The following AARSD1 variants were observed in gnomAD, a reference collection of about 807,000 sequenced individuals.
AARSD1 encodes alanyl-tRNA editing protein Aarsd1.
In AARSD1, 44 loss-of-function variants were observed where a neutral mutation model predicts 48.7. The ratio of observed to expected loss-of-function variants is 0.90; its 90% CI spans 0.71 to 1.16. The LOEUF (loss-of-function observed/expected upper bound fraction) is 1.16. AARSD1 is among the 50% of genes most tolerant of loss of function. The probability of loss-of-function intolerance (pLI) is 0.00; values close to 1 mark genes in which losing one functional copy is unlikely to be tolerated. For missense variants in AARSD1, 511 were observed against 523.1 expected (o/e 0.98, Z 0.23); for synonymous variants, 189 against 194.9 (o/e 0.97, Z 0.25).
chr17:42,955,150 T>C lies in AARSD1; in HGVS notation c.861+8A>G. The stretch of plus-strand genomic sequence containing the variant: ...CATGCCCTCTCTACCCTCCATGGAA[T>C]AAATCACCTTCTGCAGGATCTTGGT... On this transcript the variant is annotated splice_region_variant and intron_variant, in intron 8 of 11. Coordinates refer to ENST00000427569, the MANE Select transcript of AARSD1 (RefSeq NM_001261434.2). 1.2e-6 allele frequency: 2 copies of C among 1,614,154 alleles called. No homozygotes were observed. The highest frequency in any genetic ancestry group is 1.7e-6 in the Non-Finnish European group (2 of 1,180,026).
rs936118076 is a variant in AARSD1, at chr17:42,950,840, G to T, written c.1104-112C>A. 22 of 1,439,790 alleles carry T rather than the reference G, an allele frequency of 1.5e-5. No homozygotes were observed. In the African/African-American group the frequency reaches 3.1e-4, roughly 20 times the overall value. The allele number at this position is 1,439,790 out of a possible 1,614,324, so 89.2% of individuals were successfully genotyped here. A position where few individuals can be genotyped will look rare whatever the true frequency, so the allele number is the denominator to read the frequency against. On this transcript the variant is annotated intron_variant, in intron 11 of 11. Transcript: ENST00000427569. ...TGGGAGAGGGATAAGAAGAGTAGATGACTTCTAGGAATCTTTCTTGAAAAC... is the reference window on the plus strand; with the variant it reads ...TGGGAGAGGGATAAGAAGAGTAGATTACTTCTAGGAATCTTTCTTGAAAAC...
intron 10 of AARSD1, among the ~76,000 whole-genome samples, chr17:42,953,137 G>A (rs991380377): frequency 2.6e-5 from 4 of 152,022 alleles, no homozygotes; most frequent in Admixed American, 6.6e-5. Context: ...ATGCCACCAC[G>A]CCTAGCTAAT....
intron 7 of AARSD1, chr17:42,955,436 CTTTTTTTT>C: frequency 3.5e-6 from 1 of 283,888 alleles, no homozygotes; most frequent in Non-Finnish European, 6.5e-6. Flanking sequence ...AGCACTTGAT[CTTTTTTTT>C]TTTTTTTTTT....
At chr17:42,952,013 G>T (rs139801184) in intron 10 of AARSD1, 119 bp from the exon 11 acceptor site, 5 of 1,160,696 alleles carry the variant, frequency 4.3e-6, no homozygotes, top group Non-Finnish European at 6.1e-6. Context: ...ACCAAGTGAC[G>T]CTCCTGATGA....
chr17:42,953,847 C>T, intron 9 of AARSD1, 69 bp from the exon 10 acceptor site: 1 of 1,603,452 alleles, frequency 6.2e-7, no homozygotes, highest in South Asian at 1.1e-5. Flanking sequence ...GAAGCCTGGC[C>T]CCTCCTTCTG....
Position 42,964,143 on chromosome 17 carries a change from A to G in AARSD1, c.134T>C (p.Leu45Pro). The change falls in exon 2 of 12, where the codon CTG becomes CCG. Residue 45 changes from leucine to proline, a missense_variant. Coordinates refer to ENST00000427569, the MANE Select transcript of AARSD1 (RefSeq NM_001261434.2). The part of the protein sequence containing the change: ...KEVLSGFQVV[L>P]EDTVLFPEGG... ...CTCAGGGAAAAGCACTGTGTCTTCC[A>G]GCACCACTTGGAAACCGCTCAGCAC... 1 of 1,614,232 alleles carries G rather than the reference A, an allele frequency of 6.2e-7. No individual in the cohort carries two copies. Among genetic ancestry groups the G allele is most frequent in the Non-Finnish European group, 8.5e-7 (1 of 1,180,034 alleles).
At chr17:42,961,663 T>C (rs1386495503) in intron 2 of AARSD1, among the ~76,000 whole-genome samples, 2 of 152,172 alleles carry the variant, frequency 1.3e-5, no homozygotes, top group Non-Finnish European at 2.9e-5. Context: ...TCTTTTGTAG[T>C]CTCTAAAATG....
chr17:42,957,297 G>C, intron 3 of AARSD1, 102 bp from the exon 4 acceptor site: 1 of 1,482,766 alleles, frequency 6.7e-7, no homozygotes, highest in Non-Finnish European at 9.2e-7. Context: ...AATTCTCCTT[G>C]TTGAAGACCT....
rs760957834 is a variant in AARSD1 at position 42,961,218 on chromosome 17, C to T, written c.305G>A (p.Arg102Lys). Residue 102 changes from arginine to lysine, a missense_variant, in exon 3 of 12, where the codon AGG becomes AAG. Transcript: ENST00000427569. ...TGAATGCTGCTGCATGTGGTCAAAC[C>T]TCCGCTCCCAATCTACCCGGACCAG... is the stretch of plus-strand genomic sequence containing the variant. ...QVLVRVDWERRFDHMQQHSGQ... is the reference protein window; with the variant it reads ...QVLVRVDWERKFDHMQQHSGQ... The T allele has an allele frequency of 2.5e-6, 4 of 1,613,650 alleles. No individual in the cohort carries two copies. Among genetic ancestry groups the T allele is most frequent in the South Asian group, 1.1e-5 (1 of 91,032 alleles).
intron 3 of AARSD1, among the ~76,000 whole-genome samples, chr17:42,959,530 C>T (rs60381697): frequency 0.94 from 142,352 of 152,046 alleles, 67,372 homozygotes; most frequent in East Asian, 1. Flanking sequence ...GAGCAGCCTA[C>T]ATTTATTTTC....
chr17:42,961,487 G>T (rs2049637515), intron 2 of AARSD1, 136 bp from the exon 3 acceptor site: 2 of 1,250,588 alleles, frequency 1.6e-6, no homozygotes, highest in African/African-American at 1.5e-5. Flanking sequence ...CAAGTGAAAT[G>T]AGTCCACTTT....
intron 10 of AARSD1, among the ~76,000 whole-genome samples, chr17:42,952,763 G>A: frequency 6.6e-6 from 1 of 151,496 alleles, no homozygotes; most frequent in African/African-American, 2.4e-5. Context: ...AAAGCCAGAG[G>A]AAGAGGAAAA....
intron 9 of AARSD1, among the ~76,000 whole-genome samples, chr17:42,954,666 C>T (rs949370866): frequency 2.6e-5 from 4 of 152,098 alleles, no homozygotes; most frequent in Admixed American, 6.6e-5. Flanking sequence ...AACTCCTGAC[C>T]TTGTGATCCA....
At chr17:42,951,673 C>A in intron 11 of AARSD1, 127 bp downstream of exon 11, 1 of 995,648 alleles carries the variant, frequency 1.0e-6, no homozygotes, top group Non-Finnish European at 1.5e-6. Flanking sequence ...TCTGCTCAGC[C>A]CACCTCACAT....
intron 3 of AARSD1, among the ~76,000 whole-genome samples, chr17:42,959,638 G>A (rs1204703751): frequency 6.6e-6 from 1 of 151,524 alleles, no homozygotes; most frequent in African/African-American, 2.4e-5. Context: ...GACTACAGCA[G>A]TGAGCCACAG....
At position 42,955,946 on chromosome 17, in the gene AARSD1, C is replaced by G; in HGVS notation, c.690G>C (p.Lys230Asn). 4 of 1,614,094 alleles carry G rather than the reference C, an allele frequency of 2.5e-6. No homozygotes were observed. The highest frequency in any genetic ancestry group is 3.4e-6 in the Non-Finnish European group (4 of 1,180,020). ...LQVIKILGTE[K>N]GKKNRTNLIF... ...TCAGGTTGGTTCTGTTCTTTTTCCCCTTCTCAGTGCCCAGAATCTTAATGA... is the reference window on the plus strand; with the variant it reads ...TCAGGTTGGTTCTGTTCTTTTTCCCGTTCTCAGTGCCCAGAATCTTAATGA... Residue 230 changes from lysine (K) to asparagine (N), a missense_variant, in exon 7 of 12, where the codon AAG becomes AAC. Transcript: ENST00000427569.
In AARSD1 at chr17:42,955,982, G is replaced by A. The variant is rs1230698944; in HGVS notation, c.664-10C>T. On this transcript the variant is annotated splice_polypyrimidine_tract_variant and intron_variant, in intron 6 of 11. Transcript: ENST00000427569. The stretch of plus-strand genomic sequence containing the variant: ...CCAGAATCTTAATGACCTACATGAG[G>A]CAAGGGGGTAACACACACACACACG... 1.2e-6 allele frequency: 2 copies of A among 1,613,808 alleles called. No homozygotes were observed. The highest frequency in any genetic ancestry group is 8.5e-7 in the Non-Finnish European group (1 of 1,179,962).
chr17:42,961,458 G>T, intron 2 of AARSD1, 107 bp from the exon 3 acceptor site: 1 of 1,518,426 alleles, frequency 6.6e-7, no homozygotes. Flanking sequence ...CTCCCTAAGG[G>T]AGAGGGAGAA....
rs372416896 is a variant in AARSD1 at position 42,953,935 on chromosome 17, A to C, written c.954-157T>G. 215 of 874,496 alleles carry C rather than the reference A, an allele frequency of 2.5e-4. No homozygotes were observed. The African/African-American group carries it at 3.2e-3, about 13-fold the overall frequency. 54.2% of individuals were successfully genotyped at this position (874,496 alleles called of 1,614,324 possible). ...AGAGAGTACTGGCTGAAAGCCAGCA[A>C]GCTGCCCTTCTCAGCCTCTGCAGTT... On this transcript the variant is annotated intron_variant, in intron 9 of 11. Coordinates refer to ENST00000427569, the MANE Select transcript of AARSD1 (RefSeq NM_001261434.2).
Sources: gnomAD v4.1 joint callset for allele counts (sites outside exome capture counted in the v4.1 genomes callset) on GRCh38, gnomAD v4.1.1 for gene constraint, MANE v1.5 for transcripts, NCBI Gene and HGNC (gene_info 2026-07-23, HGNC 2026-07-21) for gene names.